The following DCLK1 variants were observed in gnomAD, a reference collection of about 807,000 sequenced individuals.
DCLK1 encodes the protein doublecortin like kinase 1.
Under a neutral mutation model 86.2 loss-of-function variants are expected in DCLK1, and 16 were observed. The observed-to-expected ratio is 0.19, with a 90% CI of 0.13 to 0.28. The LOEUF is 0.28. Ranked by LOEUF, DCLK1 falls within the 10% of genes least tolerant of loss-of-function variation. The pLI, the probability that DCLK1 is intolerant of heterozygous loss-of-function variation, is 1.00. For missense variants in DCLK1, 590 were observed against 940.2 expected (o/e 0.63, Z 4.87); for synonymous variants, 369 against 370.5 (o/e 1.00, Z 0.05).
rs1884964909 is a variant in DCLK1, at chr13:36,095,182, T to TTG, written c.723+16686_723+16687insCA. On this transcript the variant is annotated intron_variant, in intron 3 of 16. Coordinates refer to ENST00000360631, the MANE Select transcript of DCLK1 (RefSeq NM_001330071.2). ...CTATCTCTCTCTCTTTGTTTTTTTT[T>TTG]TTTGTTTTTTTTGTTTTGTTTTGTT... Among the ~76,000 whole-genome samples, 6 of 122,618 alleles carry TTG rather than the reference T, an allele frequency of 4.9e-5. No individual in the cohort carries two copies. In the South Asian group the frequency reaches 1.9e-3, roughly 40 times the overall value. The allele number at this position is 122,618 out of a possible 152,430, so 80.4% of individuals were successfully genotyped here.
At chr13:35,874,933 G>A (rs1218817590) in intron 4 of DCLK1, among the ~76,000 whole-genome samples, 4 of 152,158 alleles carry the variant, frequency 2.6e-5, no homozygotes, top group Non-Finnish European at 4.4e-5. Flanking sequence ...CAATGTCGCC[G>A]GCCCATTGGC....
At position 36,038,319 on chromosome 13, in the gene DCLK1, C is replaced by T. The variant is rs747280370; in HGVS notation, c.723+73550G>A. ...TTTGTTTTAAGGCCCGGAGATGGTT[C>T]GGTCTTCCAGAGTGCTTCCTGGTTA... On this transcript the variant is annotated intron_variant, in intron 3 of 16. Transcript: ENST00000360631. 2.8e-4 allele frequency among the ~76,000 whole-genome samples: 42 copies of T among 152,162 alleles called. 1 individual carries two copies. The highest frequency in any genetic ancestry group is 1.2e-4 in the African/African-American group (5 of 41,438).
intron 4 of DCLK1, among the ~76,000 whole-genome samples, chr13:35,942,516 T>C (rs9574962): frequency 0.021 from 3,183 of 152,178 alleles, 158 homozygotes; most frequent in East Asian, 0.21. Flanking sequence ...CTAAACCATA[T>C]CAAGTCCAAA....
chr13:36,093,896 C>A (rs188125863), intron 3 of DCLK1, among the ~76,000 whole-genome samples: 38 of 152,026 alleles, frequency 2.5e-4, no homozygotes, highest in Non-Finnish European at 5.0e-4. Context: ...ATTTATATGG[C>A]AAATATATGA....
intron 3 of DCLK1, among the ~76,000 whole-genome samples, chr13:35,979,522 T>G (rs898858543): frequency 9.9e-5 from 15 of 152,202 alleles, no homozygotes; most frequent in African/African-American, 2.7e-4. Flanking sequence ...GGCCCACTCG[T>G]TTCTCACTGC....
chr13:36,075,554 C>T (rs780270758), intron 3 of DCLK1, among the ~76,000 whole-genome samples: 78 of 152,294 alleles, frequency 5.1e-4, no homozygotes, highest in Admixed American at 1.0e-3. Context: ...TGAAAAATTT[C>T]TCTCTATTGA....
chr13:36,008,153 T>C (rs1408148109), intron 3 of DCLK1, among the ~76,000 whole-genome samples: 1 of 99,798 alleles, frequency 1.0e-5, no homozygotes, highest in African/African-American at 3.7e-5. Context: ...TTTTTTTTTT[T>C]TTTTTGGTCT....
intron 3 of DCLK1, among the ~76,000 whole-genome samples, chr13:35,955,532 T>C (rs1877933534): frequency 6.6e-6 from 1 of 152,102 alleles, no homozygotes; most frequent in African/African-American, 2.4e-5. Context: ...TACTATCGCC[T>C]TGGAGGTTAG....
intron 4 of DCLK1, among the ~76,000 whole-genome samples, chr13:35,937,321 G>A (rs1669957603): frequency 6.6e-6 from 1 of 152,076 alleles, no homozygotes; most frequent in South Asian, 2.1e-4. Context: ...AGAGTTTGAA[G>A]CCACCCTATA....
chr13:35,960,411 C>T (rs536528136), intron 3 of DCLK1, among the ~76,000 whole-genome samples: 1 of 152,272 alleles, frequency 6.6e-6, no homozygotes, highest in Non-Finnish European at 1.5e-5. Context: ...TAAAACTCAG[C>T]AATCTGGGGA....
chr13:35,985,277 G>A (rs1879845469), intron 3 of DCLK1, among the ~76,000 whole-genome samples: 4 of 152,100 alleles, frequency 2.6e-5, no homozygotes, highest in African/African-American at 9.7e-5. Context: ...CTGTGAAGGG[G>A]ATTAGCCATC....
At position 35,788,452 on chromosome 13, in the gene DCLK1, C is replaced by T. The variant is rs75648922; in HGVS notation, c.2058+4914G>A. On this transcript the variant is annotated intron_variant, in intron 16 of 16. Transcript: ENST00000360631. ...AGTCTGCATACTGACAACAAAAAGG[C>T]AGGAAGTGACACCTCATGACTATTT... 7.7e-3 allele frequency among the ~76,000 whole-genome samples: 1,168 copies of T among 152,282 alleles called. 57 individuals are homozygous for T. In the East Asian group the frequency reaches 0.12, roughly 15 times the overall value.
At chr13:35,798,205 C>G (rs1479279172) in intron 15 of DCLK1, among the ~76,000 whole-genome samples, 1 of 152,158 alleles carries the variant, frequency 6.6e-6, no homozygotes, top group Non-Finnish European at 1.5e-5. Flanking sequence ...CTAGGGGTTA[C>G]TGGGGAAGAG....
intron 3 of DCLK1, among the ~76,000 whole-genome samples, chr13:36,040,114 T>C (rs1028450532): frequency 1.3e-5 from 2 of 151,652 alleles, no homozygotes; most frequent in African/African-American, 4.8e-5. Context: ...CTTCTTGACA[T>C]TGGTCTGGGC....
chr13:35,929,405 C>T (rs1876301971), intron 4 of DCLK1, among the ~76,000 whole-genome samples: 1 of 152,248 alleles, frequency 6.6e-6, no homozygotes, highest in Non-Finnish European at 1.5e-5. Context: ...AGCTTTATAA[C>T]CTCGGTTCTC....
intron 4 of DCLK1, among the ~76,000 whole-genome samples, chr13:35,909,616 TGTGTGTGTGTGTGTGTGTGTGTGTA>T (rs1263252071): frequency 5.0e-5 from 5 of 99,016 alleles, no homozygotes; most frequent in South Asian, 3.7e-4. Flanking sequence ...TGTGTGTGTG[TGTGTGTGTGTGTGTGTGTGTGTGTA>T]TTTTTTTTTT....
At position 36,120,834 on chromosome 13, in the gene DCLK1, G is replaced by A. The variant is rs180733637; in HGVS notation, c.376+4928C>T. On this transcript the variant is annotated intron_variant, in intron 2 of 16. Coordinates refer to ENST00000360631, the MANE Select transcript of DCLK1 (RefSeq NM_001330071.2). ...ACATACAGTTTTCTTTTCTTAATGG[G>A]TTAGTTAATGGGAAACATCTGATTT... 2.5e-3 allele frequency among the ~76,000 whole-genome samples: 373 copies of A among 152,208 alleles called. 2 individuals carry two copies. Among genetic ancestry groups the A allele is most frequent in the African/African-American group, 8.5e-3 (352 of 41,536 alleles).
At chr13:36,126,518 C>T (rs1470584865) in intron 1 of DCLK1, among the ~76,000 whole-genome samples, 4 of 152,146 alleles carry the variant, frequency 2.6e-5, no homozygotes, top group African/African-American at 9.7e-5. Context: ...CCCCCGCCCC[C>T]CAACCCCTTT....
At chr13:36,049,897 T>C (rs1331396375) in intron 3 of DCLK1, among the ~76,000 whole-genome samples, 2 of 152,076 alleles carry the variant, frequency 1.3e-5, no homozygotes, top group African/African-American at 4.8e-5. Context: ...ACCAGCAGAG[T>C]GCTGAAAAAT....
Sources: gnomAD v4.1 joint callset for allele counts (sites outside exome capture counted in the v4.1 genomes callset) on GRCh38, gnomAD v4.1.1 for gene constraint, MANE v1.5 for transcripts, NCBI Gene and HGNC (gene_info 2026-07-23, HGNC 2026-07-21) for gene names.